Variants in DLAT observed in about 807,000 individuals in gnomAD.
DLAT encodes the protein dihydrolipoyllysine-residue acetyltransferase component of pyruvate dehydrogenase complex, mitochondrial.
In DLAT, 43 loss-of-function variants were observed where a neutral mutation model predicts 68.0. The ratio of observed to expected loss-of-function variants is 0.63; its 90% confidence interval spans 0.50 to 0.81. The LOEUF is 0.81. Ranked by LOEUF, DLAT falls within the 40% of genes least tolerant of loss-of-function variation. DLAT has a pLI of 0.00. For missense variants in DLAT, 745 were observed against 815.4 expected (o/e 0.91, Z 1.05); for synonymous variants, 265 against 288.6 (o/e 0.92, Z 0.83).
Position 112,026,182 on chromosome 11 carries a change from TCTTTTC to T in DLAT, c.280-8_280-3del, listed in dbSNP as rs1566606304. 1 of 1,592,670 alleles carries T rather than the reference TCTTTTC, an allele frequency of 6.3e-7. No homozygotes were observed. The highest frequency in any genetic ancestry group is 2.2e-5 in the East Asian group (1 of 44,814). ...AGTCCTTAAAAATTTTAATGTTTCTTCTTTTCCTTTTCCAGGTTCCATTGCCTTCTC... is the reference window on the plus strand; with the variant it reads ...AGTCCTTAAAAATTTTAATGTTTCTTCTTTTCCAGGTTCCATTGCCTTCTC... On this transcript the variant is annotated splice_polypyrimidine_tract_variant and intron_variant, in intron 1 of 13. Transcript: ENST00000280346.
intron 5 of DLAT, 104 bp from the exon 6 acceptor site, chr11:112,037,169 A>C: frequency 2.7e-5 from 29 of 1,069,664 alleles, no homozygotes; most frequent in Non-Finnish European, 3.8e-5. Context: ...AAGGCTATAT[A>C]GCTAGCTTGA....
At position 112,042,425 on chromosome 11, in the gene DLAT, C is replaced by T. The variant is rs147478112; in HGVS notation, c.1130-1041C>T. Reference sequence around the variant, plus strand: ...AAAGGAGAGAAATCTAATAGGGGTACTACCACCTCTGTTCTAGAGCTCCTA... The same window carrying T: ...AAAGGAGAGAAATCTAATAGGGGTATTACCACCTCTGTTCTAGAGCTCCTA... On this transcript the variant is annotated intron_variant, in intron 7 of 13. Transcript: ENST00000280346. Among the ~76,000 whole-genome samples the T allele has an allele frequency of 3.1e-3, 472 of 152,278 alleles. 7 individuals carry two copies. The highest frequency in any genetic ancestry group is 0.011 in the African/African-American group (443 of 41,564).
chr11:112,060,632 G>A (rs1864532787), intron 12 of DLAT, among the ~76,000 whole-genome samples: 1 of 151,444 alleles, frequency 6.6e-6, no homozygotes, highest in Non-Finnish European at 1.5e-5. Flanking sequence ...TTTTGTGTGT[G>A]TGTGTATGTT....
intron 7 of DLAT, 95 bp downstream of exon 7, chr11:112,039,492 T>A: frequency 7.9e-7 from 1 of 1,266,472 alleles, no homozygotes. Context: ...TAGCCGTACT[T>A]ATAATTGGGA....
At position 112,025,441 on chromosome 11, in the gene DLAT, T is replaced by G; in HGVS notation, c.-32T>G. ...TGGAGAGGTCACTCCGGAGACGGCG[T>G]TGGTTTTGGGGTGTGGGGGGTTGGT... On this transcript the variant is annotated 5_prime_UTR_variant, in exon 1 of 14. Coordinates refer to ENST00000280346, the MANE Select transcript of DLAT (RefSeq NM_001931.5). 6.2e-7 allele frequency: 1 copy of G among 1,601,758 alleles called. No homozygotes were observed.
rs782588468 is a variant in DLAT, at chr11:112,028,492, G to GC, written c.382-22dup. 5.1e-5 allele frequency: 82 copies of GC among 1,612,030 alleles called. No individual in the cohort carries two copies. The African/African-American group carries it at 1.0e-3, about 20-fold the overall frequency. Reference sequence around the variant, plus strand: ...TTACATACCAACAGTACAAACCTGAGCTACTGCTTTTTGTGTTAAAAGGTT... The same window carrying GC: ...TTACATACCAACAGTACAAACCTGAGCCTACTGCTTTTTGTGTTAAAAGGTT... On this transcript the variant is annotated intron_variant, in intron 2 of 13. Transcript: ENST00000280346.
At chr11:112,045,262 G>A in intron 9 of DLAT, 32 bp downstream of exon 9, 1 of 1,442,374 alleles carries the variant, frequency 6.9e-7, no homozygotes, top group Non-Finnish European at 9.3e-7. Flanking sequence ...GGAATCAGCT[G>A]TTAGGGGCAT....
chr11:112,058,449 G>C (rs2135142694), intron 11 of DLAT, among the ~76,000 whole-genome samples: 1 of 152,214 alleles, frequency 6.6e-6, no homozygotes, highest in East Asian at 1.9e-4. Flanking sequence ...TGGAGCTTGT[G>C]CCTAGAAAGA....
rs781833307 is a variant in DLAT, at chr11:112,061,022, A to AT, written c.1678-8dup. On this transcript the variant is annotated splice_polypyrimidine_tract_variant and intron_variant, in intron 12 of 13. Transcript: ENST00000280346. ...GTTGACAAACTATAATTTATTTTTA[A>AT]TTTTTTTTCCTCTAGGGTGGCACTT... 2.2e-5 allele frequency: 34 copies of AT among 1,547,826 alleles called. No homozygotes were observed. The highest frequency in any genetic ancestry group is 4.1e-5 in the African/African-American group (3 of 72,638).
intron 4 of DLAT, chr11:112,030,503 G>A (rs1555179875): frequency 8.1e-6 from 2 of 248,110 alleles, no homozygotes; most frequent in Non-Finnish European, 1.6e-5. Context: ...CTTTTGACAT[G>A]TGGTGATCTA....
At chr11:112,041,483 T>G (rs1863047741) in intron 7 of DLAT, among the ~76,000 whole-genome samples, 1 of 152,190 alleles carries the variant, frequency 6.6e-6, no homozygotes, top group African/African-American at 2.4e-5. Context: ...AGGAGGCAGC[T>G]TGAGCCAACC....
chr11:112,053,512 G>C (rs1392449599), intron 11 of DLAT, among the ~76,000 whole-genome samples: 3 of 151,994 alleles, frequency 2.0e-5, no homozygotes, highest in African/African-American at 7.3e-5. Context: ...GAGTGCAGTG[G>C]CGTGATCTTG....
Position 112,025,625 on chromosome 11 carries a change from G to A in DLAT, c.153G>A (p.Gly51=). 1.2e-6 allele frequency: 2 copies of A among 1,613,682 alleles called. No homozygotes were observed. Among genetic ancestry groups the A allele is most frequent in the Non-Finnish European group, 1.7e-6 (2 of 1,179,988 alleles). The change falls in exon 1 of 14, where the codon GGG becomes GGA. Residue 51 remains glycine, a synonymous_variant. Transcript: ENST00000280346. The part of the protein sequence containing the change: ...APARRNSVTT[G]YGGVRALCGW... Reference sequence around the variant, plus strand: ...CTCGTCGCAACAGCGTGACTACAGGGTATGGCGGGGTCCGGGCACTGTGCG... The same window carrying A: ...CTCGTCGCAACAGCGTGACTACAGGATATGGCGGGGTCCGGGCACTGTGCG...
rs782659852 is a variant in DLAT at position 112,045,869 on chromosome 11, G to A, written c.1297G>A (p.Ala433Thr). The A allele has an allele frequency of 5.6e-6, 9 of 1,602,340 alleles. No individual in the cohort carries two copies. In the East Asian group the frequency reaches 2.0e-4, roughly 36 times the overall value. Residue 433 changes from alanine (A) to threonine (T), a missense_variant, in exon 10 of 14, where the codon GCA becomes ACA. Transcript: ENST00000280346. Reference protein sequence around the residue: ...IPISNIRRVIAQRLMQSKQTI... With the variant: ...IPISNIRRVITQRLMQSKQTI... ...TAAATCTCTTTGGTTTCAGGTTATT[G>A]CACAGCGATTAATGCAATCAAAGCA... is the stretch of plus-strand genomic sequence containing the variant.
At position 112,030,488 on chromosome 11, in the gene DLAT, G is replaced by A. The variant is rs587612611; in HGVS notation, c.660+1543G>A. 44 of 253,752 alleles carry A rather than the reference G, an allele frequency of 1.7e-4. 1 individual carries two copies. In the Admixed American group the frequency reaches 1.8e-3, roughly 10 times the overall value. 15.7% of individuals were successfully genotyped at this position (253,752 alleles called of 1,614,324 possible). A position where few individuals can be genotyped will look rare whatever the true frequency, so the allele number is the denominator to read the frequency against. The stretch of plus-strand genomic sequence containing the variant: ...TCTGTTGAATGAAAGTCCCCAGTTG[G>A]TGTTCTTTTGACATGTGGTGATCTA... On this transcript the variant is annotated intron_variant, in intron 4 of 13. Transcript: ENST00000280346.
Position 112,025,453 on chromosome 11 carries a change from T to C in DLAT, c.-20T>C. On this transcript the variant is annotated 5_prime_UTR_variant, in exon 1 of 14. Coordinates refer to ENST00000280346, the MANE Select transcript of DLAT (RefSeq NM_001931.5). ...TCCGGAGACGGCGTTGGTTTTGGGG[T>C]GTGGGGGGTTGGTGGCACTATGTGG... The C allele has an allele frequency of 6.2e-7, 1 of 1,606,300 alleles. No homozygotes were observed. The highest frequency in any genetic ancestry group is 8.5e-7 in the Non-Finnish European group (1 of 1,178,082).
At chr11:112,054,229 T>C (rs1444233256) in intron 11 of DLAT, among the ~76,000 whole-genome samples, 3 of 151,880 alleles carry the variant, frequency 2.0e-5, no homozygotes, top group African/African-American at 4.8e-5. Flanking sequence ...GGCAGGAGAA[T>C]TGCTTGAACC....
chr11:112,049,910 G>A (rs1863520051), intron 10 of DLAT, among the ~76,000 whole-genome samples: 1 of 152,194 alleles, frequency 6.6e-6, no homozygotes, highest in Non-Finnish European at 1.5e-5. Flanking sequence ...TGCTCTGGCT[G>A]GCGCCTCTAG....
At chr11:112,047,850 C>T (rs995520859) in intron 10 of DLAT, among the ~76,000 whole-genome samples, 19 of 152,142 alleles carry the variant, frequency 1.2e-4, no homozygotes, top group Non-Finnish European at 2.2e-4. Flanking sequence ...CAGTACCATG[C>T]TGTTTTGGTT....
Sources: gnomAD v4.1 joint callset for allele counts (sites outside exome capture counted in the v4.1 genomes callset) on GRCh38, gnomAD v4.1.1 for gene constraint, MANE v1.5 for transcripts, NCBI Gene and HGNC (gene_info 2026-07-23, HGNC 2026-07-21) for gene names.